Variants in KCTD16 observed in about 807,000 individuals in gnomAD.
KCTD16 encodes potassium channel tetramerization domain containing 16.
KCTD16 carries 13 observed loss-of-function variants against 33.2 expected under a neutral mutation model. The observed-to-expected ratio is 0.39, with a 90% CI of 0.25 to 0.62. The LOEUF (loss-of-function observed/expected upper bound fraction) is 0.62. Among genes scored for constraint, KCTD16 ranks in the 20% least tolerant of loss-of-function variants. The pLI is 0.50. For missense variants in KCTD16, 441 were observed against 525.1 expected (o/e 0.84, Z 1.57); for synonymous variants, 197 against 195.3 (o/e 1.01, Z -0.07).
chr5:144,265,275 A>G (rs1322900256), intron 3 of KCTD16, among the ~76,000 whole-genome samples: 3 of 152,206 alleles, frequency 2.0e-5, no homozygotes, highest in Non-Finnish European at 4.4e-5. Flanking sequence ...AAGATAGTTA[A>G]AAACAGTGAA....
At chr5:144,418,913 T>G (rs1234381040) in intron 3 of KCTD16, among the ~76,000 whole-genome samples, 3 of 152,154 alleles carry the variant, frequency 2.0e-5, no homozygotes, top group African/African-American at 7.2e-5. Context: ...TTACAACCCA[T>G]TAACATCATG....
At chr5:144,258,377 C>G (rs1417216485) in intron 3 of KCTD16, among the ~76,000 whole-genome samples, 1 of 151,904 alleles carries the variant, frequency 6.6e-6, no homozygotes, top group Non-Finnish European at 1.5e-5. Flanking sequence ...AATTATTTAT[C>G]ATGGTATTCA....
intron 3 of KCTD16, among the ~76,000 whole-genome samples, chr5:144,430,082 G>A (rs1015560512): frequency 2.0e-5 from 3 of 152,064 alleles, no homozygotes; most frequent in Non-Finnish European, 4.4e-5. Context: ...CAAGCTAGCT[G>A]AATCTATATG....
chr5:144,215,588 C>T lies in KCTD16; in HGVS notation c.832+8042C>T, dbSNP rs184425568. Among the ~76,000 whole-genome samples the T allele has an allele frequency of 3.7e-3, 556 of 152,250 alleles. 11 individuals carry two copies. The highest frequency in any genetic ancestry group is 9.7e-4 in the East Asian group (5 of 5,178). On this transcript the variant is annotated intron_variant, in intron 3 of 3. Coordinates refer to ENST00000512467, the MANE Select transcript of KCTD16 (RefSeq NM_020768.4). The stretch of plus-strand genomic sequence containing the variant: ...TACATGATCATTAGCAAATTGCTTC[C>T]GTGCCTCAGTTTCCTCAACTGTAAA...
At chr5:144,245,752 C>G (rs1041915878) in intron 3 of KCTD16, among the ~76,000 whole-genome samples, 3 of 151,946 alleles carry the variant, frequency 2.0e-5, no homozygotes, top group Non-Finnish European at 4.4e-5. Context: ...TAGTACTTCC[C>G]CCTCCTCTCT....
chr5:144,178,546 A>T (rs561425150), intron 2 of KCTD16, among the ~76,000 whole-genome samples: 69 of 152,304 alleles, frequency 4.5e-4, no homozygotes, highest in Admixed American at 1.6e-3. Context: ...TAGGTGAAGC[A>T]GTCAAGATGT....
At position 144,191,836 on chromosome 5, in the gene KCTD16, C is replaced by T. The variant is rs935802179; in HGVS notation, c.-326-14553C>T. Among the ~76,000 whole-genome samples, 8 of 140,764 alleles carry T rather than the reference C, an allele frequency of 5.7e-5. No homozygotes were observed. In the East Asian group the frequency reaches 1.4e-3, roughly 25 times the overall value. The allele number at this position is 140,764 out of a possible 152,430, so 92.3% of individuals were successfully genotyped here. A position where few individuals can be genotyped will look rare whatever the true frequency, so the allele number is the denominator to read the frequency against. ...TGCGTATTTCCATTTTTTTTTTTTT[C>T]AGCAGTACAAATAAACTTTAGGCCT... On this transcript the variant is annotated intron_variant, in intron 2 of 3. Transcript: ENST00000512467.
intron 3 of KCTD16, among the ~76,000 whole-genome samples, chr5:144,346,891 T>C (rs1752815105): frequency 6.6e-6 from 1 of 152,208 alleles, no homozygotes; most frequent in Non-Finnish European, 1.5e-5. Context: ...TTTGCTTTGG[T>C]TTCCTATGCT....
At chr5:144,233,555 G>A (rs1754166626) in intron 3 of KCTD16, among the ~76,000 whole-genome samples, 1 of 152,062 alleles carries the variant, frequency 6.6e-6, no homozygotes, top group East Asian at 1.9e-4. Flanking sequence ...AACCCTTTTT[G>A]CTTGTATTTT....
At position 144,388,065 on chromosome 5, in the gene KCTD16, GTTTTTTTT is replaced by G. The variant is rs397999492; in HGVS notation, c.833-85572_833-85565del. Among the ~76,000 whole-genome samples the G allele has an allele frequency of 6.8e-4, 50 of 73,644 alleles. 1 individual carries two copies. The highest frequency in any genetic ancestry group is 1.4e-3 in the South Asian group (3 of 2,106). The allele number at this position is 73,644 out of a possible 152,430, so 48.3% of individuals were successfully genotyped here. ...AATCCAGAGTTCAATTTTAGAGCAA[GTTTTTTTT>G]TTTTTTTTTTTTTTTTTTTTTTGAG... On this transcript the variant is annotated intron_variant, in intron 3 of 3. Transcript: ENST00000512467.
In KCTD16 at chr5:144,217,059, G is replaced by A. The variant is rs535344039; in HGVS notation, c.832+9513G>A. Among the ~76,000 whole-genome samples the A allele has an allele frequency of 1.2e-3, 188 of 152,262 alleles. 1 individual carries two copies. The highest frequency in any genetic ancestry group is 3.4e-3 in the Middle Eastern group (1 of 294). On this transcript the variant is annotated intron_variant, in intron 3 of 3. Transcript: ENST00000512467. The stretch of plus-strand genomic sequence containing the variant: ...TTAGGCATATGGATATTAAAATGTG[G>A]CAGAGGCATGGAATTAAAACCAAGG...
intron 3 of KCTD16, among the ~76,000 whole-genome samples, chr5:144,463,195 A>T (rs1211912200): frequency 6.6e-6 from 1 of 152,186 alleles, no homozygotes. Flanking sequence ...ATTCTTTGGT[A>T]GAAAGCCCAT....
intron 3 of KCTD16, among the ~76,000 whole-genome samples, chr5:144,357,752 T>G (rs2126913171): frequency 6.6e-6 from 1 of 152,262 alleles, no homozygotes. Flanking sequence ...CAGCTTTAAC[T>G]TTTCAAGTAT....
At chr5:144,470,254 C>A (rs115848237) in intron 3 of KCTD16, among the ~76,000 whole-genome samples, 1 of 152,240 alleles carries the variant, frequency 6.6e-6, no homozygotes, top group African/African-American at 2.4e-5. Flanking sequence ...AGTGGGACTG[C>A]AAGGTCAAAG....
intron 3 of KCTD16, among the ~76,000 whole-genome samples, chr5:144,362,041 G>C (rs1482533940): frequency 6.6e-6 from 1 of 151,918 alleles, no homozygotes; most frequent in Non-Finnish European, 1.5e-5. Context: ...ACTGTAATCA[G>C]TTTACTCTAA....
At chr5:144,336,604 G>A (rs1752500223) in intron 3 of KCTD16, among the ~76,000 whole-genome samples, 1 of 152,234 alleles carries the variant, frequency 6.6e-6, no homozygotes, top group Admixed American at 6.5e-5. Flanking sequence ...AAAATCCTCT[G>A]TGTTTCCCAC....
At chr5:144,296,232 C>A (rs1756032084) in intron 3 of KCTD16, among the ~76,000 whole-genome samples, 2 of 152,154 alleles carry the variant, frequency 1.3e-5, no homozygotes, top group Non-Finnish European at 2.9e-5. Context: ...AATAAAAGGA[C>A]CCCAGGAGGT....
rs774132529 is a variant in KCTD16, at chr5:144,419,468, A to G, written c.833-54192A>G. Among the ~76,000 whole-genome samples the G allele has an allele frequency of 4.6e-5, 7 of 152,240 alleles. No homozygotes were observed. In the South Asian group the frequency reaches 1.0e-3, roughly 23 times the overall value. On this transcript the variant is annotated intron_variant, in intron 3 of 3. Transcript: ENST00000512467. ...AACAAGGTATACTCTTGTCAACTCAATCATATTTCTCTGTGTATGTTTAAT... is the reference window on the plus strand; with the variant it reads ...AACAAGGTATACTCTTGTCAACTCAGTCATATTTCTCTGTGTATGTTTAAT...
At chr5:144,277,053 A>G (rs1411181620) in intron 3 of KCTD16, among the ~76,000 whole-genome samples, 2 of 152,198 alleles carry the variant, frequency 1.3e-5, no homozygotes, top group African/African-American at 4.8e-5. Context: ...TAGAGTTAAT[A>G]TCATTTTTTT....
Sources: allele counts gnomAD v4.1 joint callset (sites outside exome capture counted in the v4.1 genomes callset), GRCh38; gene constraint gnomAD v4.1.1; transcripts MANE v1.5; gene names NCBI Gene and HGNC (gene_info 2026-07-23, HGNC 2026-07-21).